The following MARCHF1 variants were observed in gnomAD, a reference collection of about 807,000 sequenced individuals.
MARCHF1 encodes the protein membrane associated ring-CH-type finger 1, also known as E3 ubiquitin-protein ligase MARCHF1.
Under a neutral mutation model 54.2 loss-of-function variants are expected in MARCHF1, and 40 were observed. That is an observed-to-expected ratio of 0.74 (90% CI 0.57 to 0.96). The LOEUF (loss-of-function observed/expected upper bound fraction) is 0.96, where lower values mean the gene tolerates loss of function less well. Among genes scored for constraint, MARCHF1 ranks in the 40% least tolerant of loss-of-function variants. The probability of loss-of-function intolerance (pLI) is 0.00; values close to 1 mark genes in which losing one functional copy is unlikely to be tolerated. For missense variants in MARCHF1, 586 were observed against 656.5 expected, an observed-to-expected ratio of 0.89 and a Z score of 1.17; for synonymous variants, 236 against 236.3, an observed-to-expected ratio of 1.00 and a Z score of 0.01.
intron 9 of MARCHF1, among the ~76,000 whole-genome samples, chr4:163,533,680 A>ATAATATATATATATAT (rs57042046): frequency 6.9e-6 from 1 of 144,134 alleles, no homozygotes; most frequent in African/African-American, 2.5e-5. Context: ...TTTTATATAT[A>ATAATATATATATATAT]ATATATATAT....
Position 164,177,390 on chromosome 4 carries a change from C to T in MARCHF1, c.-322-65728G>A, listed in dbSNP as rs569113116. On this transcript the variant is annotated intron_variant, in intron 1 of 9. Coordinates refer to ENST00000514618, the MANE Select transcript of MARCHF1 (RefSeq NM_001394959.1). Reference sequence around the variant, plus strand: ...TAAGGGACAGAACTGAACACAGAATCGAGGTTCTTTGATTCCTCAGCTGCT... The same window carrying T: ...TAAGGGACAGAACTGAACACAGAATTGAGGTTCTTTGATTCCTCAGCTGCT... 3.7e-4 allele frequency among the ~76,000 whole-genome samples: 57 copies of T among 152,186 alleles called. 1 individual carries two copies. In the South Asian group the frequency reaches 0.011, roughly 28 times the overall value.
At chr4:163,759,226 G>A (rs1746763543) in intron 4 of MARCHF1, among the ~76,000 whole-genome samples, 1 of 151,416 alleles carries the variant, frequency 6.6e-6, no homozygotes, top group East Asian at 1.9e-4. Flanking sequence ...ATGTATGGAA[G>A]CTTAAATTCA....
intron 4 of MARCHF1, among the ~76,000 whole-genome samples, chr4:163,808,982 C>T (rs908665209): frequency 8.5e-5 from 13 of 152,224 alleles, no homozygotes; most frequent in South Asian, 4.1e-4. Flanking sequence ...GGGTTTCAAA[C>T]GCCAGCACCA....
chr4:164,285,338 T>C (rs542521575), intron 1 of MARCHF1, among the ~76,000 whole-genome samples: 2 of 152,228 alleles, frequency 1.3e-5, no homozygotes, highest in South Asian at 4.1e-4. Context: ...AAGGCTGCAG[T>C]GCATTATGAT....
At chr4:164,154,863 G>A (rs1206147899) in intron 1 of MARCHF1, among the ~76,000 whole-genome samples, 1 of 152,148 alleles carries the variant, frequency 6.6e-6, no homozygotes, top group Non-Finnish European at 1.5e-5. Flanking sequence ...GGTCACACAC[G>A]GACTTGAAGG....
At chr4:164,226,553 G>A (rs1321244274) in intron 1 of MARCHF1, among the ~76,000 whole-genome samples, 4 of 151,848 alleles carry the variant, frequency 2.6e-5, no homozygotes, top group African/African-American at 9.7e-5. Context: ...ATAGAAAACA[G>A]CATAGGAAAC....
At chr4:164,334,909 G>A (rs1321921253) in intron 1 of MARCHF1, among the ~76,000 whole-genome samples, 1 of 152,176 alleles carries the variant, frequency 6.6e-6, no homozygotes, top group Non-Finnish European at 1.5e-5. Context: ...CTGAGATCAA[G>A]ACCTCAGAGG....
chr4:164,044,197 C>T (rs1189716229), intron 2 of MARCHF1, among the ~76,000 whole-genome samples: 2 of 152,176 alleles, frequency 1.3e-5, no homozygotes, highest in African/African-American at 4.8e-5. Flanking sequence ...GTGCCCCACA[C>T]ATAGTACCAA....
chr4:164,139,682 A>C (rs1400156017), intron 1 of MARCHF1, among the ~76,000 whole-genome samples: 3 of 152,196 alleles, frequency 2.0e-5, no homozygotes, highest in African/African-American at 7.2e-5. Context: ...TACTCAGCGC[A>C]GGAGTAGAAA....
chr4:164,085,454 T>A (rs952426119), intron 2 of MARCHF1, among the ~76,000 whole-genome samples: 2 of 151,820 alleles, frequency 1.3e-5, no homozygotes, highest in Non-Finnish European at 3.0e-5. Flanking sequence ...AGTGCCATAA[T>A]GAAACTAAAG....
chr4:164,248,589 A>T (rs1733028630), intron 1 of MARCHF1, among the ~76,000 whole-genome samples: 1 of 152,080 alleles, frequency 6.6e-6, no homozygotes, highest in Non-Finnish European at 1.5e-5. Context: ...TATCCACAAG[A>T]ATTCTTTTGT....
intron 9 of MARCHF1, 57 bp from the exon 10 acceptor site, chr4:163,529,103 A>ATTTTTTTT: frequency 4.1e-5 from 50 of 1,219,068 alleles, no homozygotes; most frequent in South Asian, 9.6e-5. Flanking sequence ...GGATTTGGTC[A>ATTTTTTTT]TTTTTTTTTT....
At chr4:163,835,687 T>C (rs1298379206) in intron 4 of MARCHF1, among the ~76,000 whole-genome samples, 2 of 152,238 alleles carry the variant, frequency 1.3e-5, no homozygotes, top group Non-Finnish European at 2.9e-5. Context: ...AATTCGCGAA[T>C]CGTTCATTGT....
chr4:163,640,575 T>C (rs1056267948), intron 5 of MARCHF1, among the ~76,000 whole-genome samples: 1 of 152,136 alleles, frequency 6.6e-6, no homozygotes, highest in Non-Finnish European at 1.5e-5. Context: ...ATGGATACTT[T>C]TAGCCTGGAA....
intron 1 of MARCHF1, among the ~76,000 whole-genome samples, chr4:164,157,428 C>G (rs4234966): frequency 0.84 from 128,515 of 152,182 alleles, 54,767 homozygotes; most frequent in Non-Finnish European, 0.89. Flanking sequence ...GCTCTGTGTT[C>G]AAAAACTGTT....
At chr4:164,139,236 T>C (rs1315124290) in intron 1 of MARCHF1, among the ~76,000 whole-genome samples, 1 of 152,082 alleles carries the variant, frequency 6.6e-6, no homozygotes, top group East Asian at 1.9e-4. Flanking sequence ...TGCAGTGTTC[T>C]TTACTTTAAA....
At chr4:164,345,663 C>T (rs1183440890) in intron 1 of MARCHF1, among the ~76,000 whole-genome samples, 1 of 151,296 alleles carries the variant, frequency 6.6e-6, no homozygotes, top group African/African-American at 2.4e-5. Flanking sequence ...CTGTAGCTAA[C>T]ACATCACGCA....
chr4:164,178,483 A>T (rs1366369166), intron 1 of MARCHF1, among the ~76,000 whole-genome samples: 3 of 152,112 alleles, frequency 2.0e-5, no homozygotes, highest in Non-Finnish European at 2.9e-5. Flanking sequence ...AGAGTGCAAG[A>T]TGGATATAAT....
intron 1 of MARCHF1, among the ~76,000 whole-genome samples, chr4:164,352,668 T>C (rs1730387997): frequency 6.6e-6 from 1 of 150,500 alleles, no homozygotes; most frequent in Admixed American, 6.6e-5. Context: ...TGCCAAAATG[T>C]AAAGACCATC....
Sources: allele counts gnomAD v4.1 joint callset (sites outside exome capture counted in the v4.1 genomes callset), GRCh38; gene constraint gnomAD v4.1.1; transcripts MANE v1.5; gene names NCBI Gene and HGNC (gene_info 2026-07-23, HGNC 2026-07-21).